CAMTA1: variants seen among roughly 807,000 people sequenced by gnomAD.
The protein encoded by CAMTA1 is calmodulin binding transcription activator 1.
Under a neutral mutation model 170.9 loss-of-function variants are expected in CAMTA1, and 27 were observed. The observed-to-expected ratio is 0.16, with a 90% CI of 0.12 to 0.22. CAMTA1 has a LOEUF of 0.22. Among genes scored for constraint, CAMTA1 ranks in the 10% least tolerant of loss-of-function variants. The pLI is 1.00. For synonymous variants in CAMTA1, 833 were observed against 891.5 expected, an observed-to-expected ratio of 0.93 and a Z score of 1.17; for missense variants, 1,619 against 2,217.2, an observed-to-expected ratio of 0.73 and a Z score of 5.42.
intron 11 of CAMTA1, among the ~76,000 whole-genome samples, chr1:7,702,308 C>A (rs1305786998): frequency 6.6e-6 from 1 of 152,100 alleles, no homozygotes; most frequent in Admixed American, 6.6e-5. Context: ...AGCTGGGATG[C>A]CAGGGCTGAA....
intron 1 of CAMTA1, among the ~76,000 whole-genome samples, chr1:6,809,481 C>T (rs1644923143): frequency 6.6e-6 from 1 of 152,000 alleles, no homozygotes; most frequent in African/African-American, 2.4e-5. Context: ...AGCCTTGGTG[C>T]TGGAGTCCTT....
chr1:6,922,541 T>C, intron 3 of CAMTA1, among the ~76,000 whole-genome samples: 1 of 152,148 alleles, frequency 6.6e-6, no homozygotes, highest in East Asian at 1.9e-4. Flanking sequence ...CCTTTCTCCA[T>C]GTGGTTTTCA....
chr1:7,228,035 T>C (rs188712438), intron 4 of CAMTA1, among the ~76,000 whole-genome samples: 2 of 152,222 alleles, frequency 1.3e-5, no homozygotes, highest in Non-Finnish European at 2.9e-5. Flanking sequence ...TTATTTTCTA[T>C]GAAATGATAT....
At position 7,634,354 on chromosome 1, in the gene CAMTA1, T is replaced by C. The variant is rs1340962558; in HGVS notation, c.511-6046T>C. On this transcript the variant is annotated intron_variant, in intron 6 of 22. Transcript: ENST00000303635. This position sits in a 1 kb window ranked among gnomAD's most constrained non-coding sequence, Gnocchi z 6.2. The stretch of plus-strand genomic sequence containing the variant: ...GAGGATGACTCCTGGGTTCCAGACC[T>C]GGGCAGCTGTGGGAAGCCTGGAGGG... Among the ~76,000 whole-genome samples, 1 of 151,846 alleles carries C rather than the reference T, an allele frequency of 6.6e-6. No homozygotes were observed. The highest frequency in any genetic ancestry group is 2.4e-5 in the African/African-American group (1 of 41,308).
rs376910869 is a variant in CAMTA1, at chr1:7,671,023, G to A, written c.2765G>A (p.Arg922His). 6.2e-6 allele frequency: 10 copies of A among 1,613,342 alleles called. No homozygotes were observed. The highest frequency in any genetic ancestry group is 2.2e-5 in the East Asian group (1 of 44,888). Residue 922 changes from arginine to histidine, a missense_variant, in exon 10 of 23, where the codon CGC becomes CAC. Physicochemically the swap from Arg to His is conservative, Grantham distance 29. This residue lies in a region of CAMTA1 where 29 missense variants were observed against 70.9 expected (regional missense o/e 0.41). Transcript: ENST00000303635. ...PASLIQPGVL[R>H]CYCPAHDTGL... is the part of the protein sequence containing the mutation. Reference sequence around the variant, plus strand: ...TCCCTGATTCAGCCTGGGGTGCTGCGCTGCTACTGCCCAGGTGAGAAAGCC... The same window carrying A: ...TCCCTGATTCAGCCTGGGGTGCTGCACTGCTACTGCCCAGGTGAGAAAGCC...
chr1:7,183,998 G>A (rs1573724066), intron 4 of CAMTA1, among the ~76,000 whole-genome samples: 2 of 152,124 alleles, frequency 1.3e-5, no homozygotes, highest in Admixed American at 1.3e-4. Flanking sequence ...ACCAACAGAT[G>A]AATGAATAAA....
At position 7,041,762 on chromosome 1, in the gene CAMTA1, A is replaced by G. The variant is rs1158950542; in HGVS notation, c.235-49542A>G. Among the ~76,000 whole-genome samples, 1 of 152,238 alleles carries G rather than the reference A, an allele frequency of 6.6e-6. No homozygotes were observed. Among genetic ancestry groups the G allele is most frequent in the East Asian group, 1.9e-4 (1 of 5,206 alleles). ...ATTCTACATCCGTTTTGAATTCCAA[A>G]GAATATCAGGAGAGCGAACCAGTCT... is the stretch of plus-strand genomic sequence containing the variant. On this transcript the variant is annotated intron_variant, in intron 3 of 22. Transcript: ENST00000303635. The surrounding 1 kb of genome is among the most constrained non-coding windows in gnomAD (Gnocchi z 5.1).
Position 6,971,698 on chromosome 1 carries a change from C to G in CAMTA1, c.235-119606C>G, listed in dbSNP as rs1056323803. On this transcript the variant is annotated intron_variant, in intron 3 of 22. Coordinates refer to ENST00000303635, the MANE Select transcript of CAMTA1 (RefSeq NM_015215.4). The surrounding 1 kb of genome is among the most constrained non-coding windows in gnomAD (Gnocchi z 4.6). ...TGGCTGGGATAAAAACCCCCATGACCATCCTCCATGCTTATTAGGTAAGTG... is the reference window on the plus strand; with the variant it reads ...TGGCTGGGATAAAAACCCCCATGACGATCCTCCATGCTTATTAGGTAAGTG... Among the ~76,000 whole-genome samples, 4 of 152,200 alleles carry G rather than the reference C, an allele frequency of 2.6e-5. No homozygotes were observed. Among genetic ancestry groups the G allele is most frequent in the African/African-American group, 9.7e-5 (4 of 41,448 alleles).
chr1:7,718,204 A>G (rs1221296760), intron 11 of CAMTA1, among the ~76,000 whole-genome samples: 3 of 151,896 alleles, frequency 2.0e-5, no homozygotes, highest in South Asian at 4.2e-4. Flanking sequence ...GGCGTTCCGT[A>G]AACACAGTGG....
chr1:7,520,221 T>C (rs1435874634), intron 6 of CAMTA1, among the ~76,000 whole-genome samples: 4 of 16,278 alleles, frequency 2.5e-4, no homozygotes, highest in East Asian at 2.4e-3. Flanking sequence ...CTCCTCCTCC[T>C]CCTCCTCCCT....
chr1:7,459,329 T>C (rs765141530), intron 5 of CAMTA1, among the ~76,000 whole-genome samples: 7 of 152,118 alleles, frequency 4.6e-5, no homozygotes, highest in Non-Finnish European at 8.8e-5. Flanking sequence ...CATGTCATCC[T>C]CTCCTTGCCC....
intron 3 of CAMTA1, among the ~76,000 whole-genome samples, chr1:7,046,986 CT>C (rs1366563903): frequency 1.3e-5 from 2 of 152,210 alleles, no homozygotes; most frequent in African/African-American, 4.8e-5. Context: ...CTCTTCCTCC[CT>C]GCCCCCTTTG....
intron 6 of CAMTA1, among the ~76,000 whole-genome samples, chr1:7,468,737 T>A (rs1264006680): frequency 6.6e-6 from 1 of 152,262 alleles, no homozygotes; most frequent in Non-Finnish European, 1.5e-5. Context: ...AGTTGCTGCC[T>A]GAGGCCTTTC....
In CAMTA1 at chr1:7,607,489, GGATA is replaced by G. The variant is rs1287131612; in HGVS notation, c.511-32905_511-32902del. Among the ~76,000 whole-genome samples, 3 of 151,956 alleles carry G rather than the reference GGATA, an allele frequency of 2.0e-5. No individual in the cohort carries two copies. In the South Asian group the frequency reaches 6.2e-4, roughly 32 times the overall value. On this transcript the variant is annotated intron_variant, in intron 6 of 22. Transcript: ENST00000303635. ...TGGATGGATGGATGGATGGATAGAT[GGATA>G]GATAGTCAATAGATGAGTAAGTGGA...
chr1:7,679,738 C>T (rs576380761), intron 11 of CAMTA1, among the ~76,000 whole-genome samples: 1 of 152,264 alleles, frequency 6.6e-6, no homozygotes, highest in Non-Finnish European at 1.5e-5. Context: ...CCAGCCAGGG[C>T]ACAGCTAGGG....
chr1:6,868,757 A>G (rs1044182920), intron 3 of CAMTA1, among the ~76,000 whole-genome samples: 14 of 152,248 alleles, frequency 9.2e-5, no homozygotes, highest in Admixed American at 8.5e-4. Context: ...TAATTTCCCT[A>G]GAAGAATATT....
At chr1:6,804,921 T>G (rs1363472134) in intron 1 of CAMTA1, among the ~76,000 whole-genome samples, 1 of 152,200 alleles carries the variant, frequency 6.6e-6, no homozygotes. Context: ...TGTTTATCCA[T>G]TCACCAGTTA....
chr1:6,943,846 CA>C (rs1198830005), intron 3 of CAMTA1, among the ~76,000 whole-genome samples: 3,409 of 51,712 alleles, frequency 0.066, 20 homozygotes, highest in African/African-American at 0.11. Context: ...GACTCTGTCT[CA>C]AAAAAAAAAA....
rs1439746060 is a variant in CAMTA1, at chr1:6,988,330, C to T, written c.235-102974C>T. 2.6e-5 allele frequency among the ~76,000 whole-genome samples: 4 copies of T among 152,126 alleles called. No individual in the cohort carries two copies. In the East Asian group the frequency reaches 5.8e-4, roughly 22 times the overall value. On this transcript the variant is annotated intron_variant, in intron 3 of 22. Coordinates refer to ENST00000303635, the MANE Select transcript of CAMTA1 (RefSeq NM_015215.4). Reference sequence around the variant, plus strand: ...GCACCCCACCAAGTGTTAGGGAGTGCGGGAGGCAGACCTAATGAAAACCCG... The same window carrying T: ...GCACCCCACCAAGTGTTAGGGAGTGTGGGAGGCAGACCTAATGAAAACCCG...
Sources: gnomAD v4.1 joint callset for allele counts (sites outside exome capture counted in the v4.1 genomes callset) on GRCh38, gnomAD v4.1.1 for gene constraint, gnomAD v4.1.1 regional missense constraint, Gnocchi (gnomAD v3.1) non-coding constraint, MANE v1.5 for transcripts, NCBI Gene and HGNC (gene_info 2026-07-23, HGNC 2026-07-21) for gene names.